The following SYT16 variants were observed in gnomAD, a reference collection of about 807,000 sequenced individuals.
SYT16 encodes synaptotagmin 16.
SYT16 carries 42 observed loss-of-function variants against 61.4 expected under a neutral mutation model. The observed-to-expected ratio is 0.68, with a 90% confidence interval of 0.53 to 0.89. The LOEUF is 0.89. Among genes scored for constraint, SYT16 ranks in the 40% least tolerant of loss-of-function variants. The pLI, the probability that SYT16 is intolerant of heterozygous loss-of-function variation, is 0.00. For missense variants in SYT16, 804 were observed against 807.3 expected (o/e 1.00, Z 0.05); for synonymous variants, 314 against 302.3 (o/e 1.04, Z -0.40).
chr14:62,081,006 A>C lies in SYT16; in HGVS notation c.1166A>C (p.Gln389Pro). 1.2e-6 allele frequency: 2 copies of C among 1,613,392 alleles called. No homozygotes were observed. The highest frequency in any genetic ancestry group is 1.7e-6 in the Non-Finnish European group (2 of 1,179,652). ...GACCGAAGTGGTGTCAACTCCTGGC[A>C]AGTTCATGTAGTGCTGCTGCCTGGT... is the stretch of plus-strand genomic sequence containing the variant. ...DKDRSGVNSW[Q>P]VHVVLLPGKK... is the part of the protein sequence containing the mutation. Residue 389 changes from glutamine (Q) to proline (P), a missense_variant, in exon 6 of 8, where the codon CAA (glutamine) becomes CCA (proline). Transcript: ENST00000683842.
intron 3 of SYT16, among the ~76,000 whole-genome samples, chr14:62,033,934 A>AG (rs1381342562): frequency 1.1e-4 from 16 of 152,270 alleles, no homozygotes; most frequent in Non-Finnish European, 1.3e-4. Context: ...CTAAAGAATG[A>AG]GGGAAAGCAC....
At position 62,100,393 on chromosome 14, in the gene SYT16, G is replaced by C. The variant is rs1400869590; in HGVS notation, c.1625-1G>C. On this transcript the variant is annotated splice_acceptor_variant, in intron 7 of 7. Coordinates refer to ENST00000683842, the MANE Select transcript of SYT16 (RefSeq NM_001367656.1). LOFTEE classifies it high-confidence loss of function. ...ACCCCACCCTTTTTTTTTTGTCTTA[G>C]ATACATATGGAAAACTCTTTCTCCT... 1 of 1,585,214 alleles carries C rather than the reference G, an allele frequency of 6.3e-7. No homozygotes were observed.
chr14:62,067,084 A>C (rs1595333030), intron 3 of SYT16, among the ~76,000 whole-genome samples: 1 of 151,340 alleles, frequency 6.6e-6, no homozygotes, highest in Non-Finnish European at 1.5e-5. Flanking sequence ...TATTCTAAGC[A>C]CAGGGAACCG....
chr14:62,089,274 G>A (rs539569000), intron 7 of SYT16, among the ~76,000 whole-genome samples: 6 of 150,072 alleles, frequency 4.0e-5, no homozygotes, highest in Non-Finnish European at 7.4e-5. Flanking sequence ...TGCCAAGATC[G>A]CACTACTGCA....
At chr14:61,915,583 T>C (rs2049092147) in intron 1 of SYT16, among the ~76,000 whole-genome samples, 1 of 152,168 alleles carries the variant, frequency 6.6e-6, no homozygotes, top group Admixed American at 6.6e-5. Context: ...TTTGAACATG[T>C]GTGTGTATAC....
rs1464514970 is a variant in SYT16, at chr14:62,105,039, C to T, written c.*4332C>T. The T allele has an allele frequency of 6.6e-6, 1 of 152,220 alleles. No homozygotes were observed. Among genetic ancestry groups the T allele is most frequent in the Non-Finnish European group, 1.5e-5 (1 of 68,050 alleles). 9.4% of individuals were successfully genotyped at this position (152,220 alleles called of 1,614,324 possible). Reference sequence around the variant, plus strand: ...TCAGATACTGTAACAAGGATAGGCTCATGAAGCCAGGCTGGATTCGTAAAT... The same window carrying T: ...TCAGATACTGTAACAAGGATAGGCTTATGAAGCCAGGCTGGATTCGTAAAT... On this transcript the variant is annotated 3_prime_UTR_variant, in exon 8 of 8. Transcript: ENST00000683842.
intron 7 of SYT16, among the ~76,000 whole-genome samples, chr14:62,092,901 A>G (rs959946745): frequency 1.3e-5 from 2 of 152,086 alleles, no homozygotes; most frequent in Admixed American, 6.5e-5. Context: ...TTTTAACACA[A>G]TTTTTTAAAA....
At chr14:62,085,201 A>T (rs1483533560) in intron 7 of SYT16, among the ~76,000 whole-genome samples, 4 of 152,228 alleles carry the variant, frequency 2.6e-5, no homozygotes, top group African/African-American at 7.2e-5. Context: ...GCTGTTAAAA[A>T]GTTAGCTTAC....
chr14:61,904,793 T>C (rs918683361), intron 1 of SYT16, among the ~76,000 whole-genome samples: 4 of 152,244 alleles, frequency 2.6e-5, no homozygotes, highest in African/African-American at 9.6e-5. Context: ...GTATAATATT[T>C]ATGAATTTTC....
chr14:61,891,242 G>GCGCACACACA (rs1555353030), intron 1 of SYT16, among the ~76,000 whole-genome samples: 13 of 147,802 alleles, frequency 8.8e-5, no homozygotes, highest in South Asian at 2.2e-4. Context: ...ACACACACGC[G>GCGCACACACA]CACACACACA....
chr14:61,953,881 A>C (rs1288396103), intron 1 of SYT16, among the ~76,000 whole-genome samples: 2 of 152,160 alleles, frequency 1.3e-5, no homozygotes, highest in East Asian at 3.8e-4. Context: ...AGTCATGCTG[A>C]AGCAAGACCA....
chr14:61,899,146 T>C (rs1041181321), intron 1 of SYT16, among the ~76,000 whole-genome samples: 2 of 152,210 alleles, frequency 1.3e-5, no homozygotes. Context: ...GAGGCAGGTA[T>C]TACTAATCCC....
chr14:61,935,276 A>T (rs1281052481), intron 1 of SYT16, among the ~76,000 whole-genome samples: 2 of 152,224 alleles, frequency 1.3e-5, no homozygotes, highest in Non-Finnish European at 2.9e-5. Context: ...TCACGCCGAC[A>T]GTGGCTCCCA....
intron 1 of SYT16, among the ~76,000 whole-genome samples, chr14:61,949,869 A>G (rs919410492): frequency 2.0e-5 from 3 of 152,226 alleles, no homozygotes; most frequent in African/African-American, 7.2e-5. Context: ...GTGAAAGTTC[A>G]GCACATAGCT....
At chr14:62,093,319 T>C (rs1053318885) in intron 7 of SYT16, among the ~76,000 whole-genome samples, 1 of 151,932 alleles carries the variant, frequency 6.6e-6, no homozygotes, top group African/African-American at 2.4e-5. Flanking sequence ...CTTTTTAAAG[T>C]GTAGAAAAAT....
At chr14:62,013,095 G>A (rs1473975740) in intron 3 of SYT16, among the ~76,000 whole-genome samples, 1 of 152,068 alleles carries the variant, frequency 6.6e-6, no homozygotes, top group African/African-American at 2.4e-5. Flanking sequence ...CTTAACTTAT[G>A]GTAGACTTTT....
At chr14:62,099,388 T>TG (rs2057359683) in intron 7 of SYT16, among the ~76,000 whole-genome samples, 1 of 152,098 alleles carries the variant, frequency 6.6e-6, no homozygotes, top group African/African-American at 2.4e-5. Context: ...ATGTGGCAAC[T>TG]GATTGGGTGG....
intron 1 of SYT16, among the ~76,000 whole-genome samples, chr14:61,943,362 C>T (rs2050286144): frequency 6.6e-6 from 1 of 152,166 alleles, no homozygotes; most frequent in African/African-American, 2.4e-5. Flanking sequence ...AAAAGAAGGA[C>T]TCCTCTCTAA....
intron 1 of SYT16, among the ~76,000 whole-genome samples, chr14:61,849,764 G>A (rs1222215353): frequency 1.3e-5 from 2 of 152,134 alleles, no homozygotes; most frequent in Non-Finnish European, 2.9e-5. Flanking sequence ...GTGATATGAA[G>A]TTAAAACCAG....
Sources: allele counts gnomAD v4.1 joint callset (sites outside exome capture counted in the v4.1 genomes callset), GRCh38; gene constraint gnomAD v4.1.1; transcripts MANE v1.5; gene names NCBI Gene and HGNC (gene_info 2026-07-23, HGNC 2026-07-21).